Variants in HPSE2 observed in about 807,000 individuals in gnomAD.
HPSE2 encodes the protein inactive heparanase-2.
HPSE2 carries 38 observed loss-of-function variants against 60.5 expected under a neutral mutation model. The observed-to-expected ratio is 0.63, with a 90% CI of 0.48 to 0.82. The LOEUF is 0.82. Ranked by LOEUF, HPSE2 falls within the 40% of genes least tolerant of loss-of-function variation. The pLI is 0.00. For synonymous variants in HPSE2, 295 were observed against 293.2 expected (o/e 1.01, Z -0.06); for missense variants, 713 against 740.4 (o/e 0.96, Z 0.43).
At chr10:98,979,808 G>A (rs960449434) in intron 3 of HPSE2, among the ~76,000 whole-genome samples, 1 of 152,066 alleles carries the variant, frequency 6.6e-6, no homozygotes, top group Admixed American at 6.6e-5. Flanking sequence ...TTTTCCAAAG[G>A]ATATTTAAGC....
At chr10:99,123,393 G>A (rs965987105) in intron 3 of HPSE2, among the ~76,000 whole-genome samples, 2 of 152,102 alleles carry the variant, frequency 1.3e-5, no homozygotes, top group African/African-American at 2.4e-5. Context: ...ACAATTAGAT[G>A]TTTTTTAGCT....
upstream of HPSE2, among the ~76,000 whole-genome samples, chr10:99,237,731 G>A (rs1252876690): frequency 6.6e-6 from 1 of 152,146 alleles, no homozygotes; most frequent in East Asian, 1.9e-4. Flanking sequence ...CCTTTAAACT[G>A]TGTGTGTGTG....
At chr10:98,963,387 C>T (rs1176898886) in intron 3 of HPSE2, among the ~76,000 whole-genome samples, 1 of 151,992 alleles carries the variant, frequency 6.6e-6, no homozygotes, top group Admixed American at 6.6e-5. Flanking sequence ...TTCTTTCAGT[C>T]TTTTTTGTTT....
chr10:98,632,663 T>C (rs1022870633), intron 7 of HPSE2, among the ~76,000 whole-genome samples: 2 of 152,206 alleles, frequency 1.3e-5, no homozygotes, highest in African/African-American at 4.8e-5. Flanking sequence ...GAGAAGTTCA[T>C]GGAGCTTAAA....
At chr10:98,706,555 T>G (rs984190823) in intron 5 of HPSE2, among the ~76,000 whole-genome samples, 2 of 152,152 alleles carry the variant, frequency 1.3e-5, no homozygotes, top group Non-Finnish European at 2.9e-5. Context: ...AGGACCTCAG[T>G]AAGAGGAGCA....
At chr10:98,557,583 C>A (rs1259235497) in intron 9 of HPSE2, among the ~76,000 whole-genome samples, 2 of 152,062 alleles carry the variant, frequency 1.3e-5, no homozygotes, top group Non-Finnish European at 2.9e-5. Flanking sequence ...AAACAAGACA[C>A]AAAGAATCTT....
intron 1 of HPSE2, 24 bp from the exon 2 acceptor site, chr10:99,232,529 G>A: frequency 6.5e-7 from 1 of 1,550,164 alleles, no homozygotes; most frequent in Non-Finnish European, 8.7e-7. Context: ...GAATAAGAGA[G>A]GAAAGGTTCC....
At chr10:98,544,258 A>T (rs1354235663) in intron 9 of HPSE2, among the ~76,000 whole-genome samples, 3 of 152,254 alleles carry the variant, frequency 2.0e-5, no homozygotes, top group Admixed American at 2.0e-4. Context: ...TGAAGGCAGA[A>T]ATAAAGATAT....
intron 2 of HPSE2, among the ~76,000 whole-genome samples, chr10:99,145,381 AG>A (rs1406732672): frequency 1.4e-5 from 2 of 148,076 alleles, no homozygotes; most frequent in Non-Finnish European, 3.0e-5. Flanking sequence ...CACTTGAACC[AG>A]GAGGTGGAGG....
intron 3 of HPSE2, among the ~76,000 whole-genome samples, chr10:98,865,777 G>GA (rs1484676884): frequency 1.3e-5 from 2 of 152,038 alleles, no homozygotes; most frequent in Non-Finnish European, 2.9e-5. Flanking sequence ...CAGTAAGCCT[G>GA]AAAAAAATCA....
At chr10:99,211,549 A>G (rs558908891) in intron 2 of HPSE2, among the ~76,000 whole-genome samples, 1 of 152,316 alleles carries the variant, frequency 6.6e-6, no homozygotes, top group African/African-American at 2.4e-5. Context: ...GACGCCAGAA[A>G]TGGAGCCACA....
intron 9 of HPSE2, among the ~76,000 whole-genome samples, chr10:98,563,366 T>A (rs547989643): frequency 6.6e-6 from 1 of 152,268 alleles, no homozygotes; most frequent in East Asian, 1.9e-4. Flanking sequence ...GAATAGGTAA[T>A]TCTATAGAGA....
At chr10:99,133,561 T>C (rs1286455218) in intron 3 of HPSE2, among the ~76,000 whole-genome samples, 1 of 152,146 alleles carries the variant, frequency 6.6e-6, no homozygotes, top group Non-Finnish European at 1.5e-5. Context: ...CAATCTTTGC[T>C]GTTCTGCAGC....
At chr10:98,569,142 C>A (rs1944427660) in intron 9 of HPSE2, among the ~76,000 whole-genome samples, 1 of 151,052 alleles carries the variant, frequency 6.6e-6, no homozygotes, top group African/African-American at 2.4e-5. Context: ...CAGGTCACTG[C>A]AATCTCCACC....
chr10:98,557,717 G>A (rs601133), intron 9 of HPSE2, among the ~76,000 whole-genome samples: 7,009 of 152,234 alleles, frequency 0.046, 168 homozygotes, highest in South Asian at 0.082. Flanking sequence ...TTGGGAGGCC[G>A]AGGTGGGCGG....
the HPSE2 span, among the ~76,000 whole-genome samples, chr10:99,266,848 C>A: frequency 6.6e-6 from 1 of 152,126 alleles, no homozygotes; most frequent in Non-Finnish European, 1.5e-5. Flanking sequence ...CTCCCCAGTA[C>A]CAGCCTGAAG....
intron 3 of HPSE2, among the ~76,000 whole-genome samples, chr10:99,037,882 CAT>C (rs995238273): frequency 6.6e-6 from 1 of 151,904 alleles, no homozygotes; most frequent in Non-Finnish European, 1.5e-5. Context: ...GGGCAAAAGA[CAT>C]AAACAGATAT....
At chr10:99,026,581 A>G (rs1212529228) in intron 3 of HPSE2, among the ~76,000 whole-genome samples, 2 of 152,208 alleles carry the variant, frequency 1.3e-5, no homozygotes, top group African/African-American at 4.8e-5. Flanking sequence ...CAGAAAATCC[A>G]TAAAGAAACA....
At chr10:99,302,846 T>G in the HPSE2 span, among the ~76,000 whole-genome samples, 25 of 151,414 alleles carry the variant, frequency 1.7e-4, no homozygotes, top group Non-Finnish European at 3.1e-4. Context: ...TACTCAAATC[T>G]GTACAATATC....
Sources: gnomAD v4.1 joint callset for allele counts (sites outside exome capture counted in the v4.1 genomes callset) on GRCh38, gnomAD v4.1.1 for gene constraint, MANE v1.5 for transcripts, NCBI Gene and HGNC (gene_info 2026-07-23, HGNC 2026-07-21) for gene names.